The following ANO10 variants were observed in gnomAD, a reference collection of about 807,000 sequenced individuals.
The protein encoded by ANO10 is anoctamin-10.
A neutral mutation model predicts 74.7 loss-of-function variants in ANO10; 77 were observed. That is an observed-to-expected ratio of 1.03 (90% CI 0.86 to 1.25). ANO10 has a LOEUF of 1.25. ANO10 is among the 50% of genes most tolerant of loss of function. ANO10 has a pLI of 0.00. For synonymous variants in ANO10, 279 were observed against 284.9 expected (o/e 0.98, Z 0.21); for missense variants, 721 against 778.1 (o/e 0.93, Z 0.87).
chr3:43,668,077 A>G (rs980684947), intron 1 of ANO10, among the ~76,000 whole-genome samples: 3 of 152,146 alleles, frequency 2.0e-5, no homozygotes, highest in Non-Finnish European at 4.4e-5. Flanking sequence ...CCTTTTCACC[A>G]CATCCACACC....
chr3:43,643,258 C>T (rs2083689683), intron 1 of ANO10, among the ~76,000 whole-genome samples: 1 of 151,750 alleles, frequency 6.6e-6, no homozygotes, highest in Non-Finnish European at 1.5e-5. Context: ...GTCTCGATCT[C>T]CTGACGTCAT....
intron 11 of ANO10, among the ~76,000 whole-genome samples, chr3:43,449,515 C>CTTTTTT (rs61265406): frequency 3.0e-3 from 318 of 106,996 alleles, no homozygotes; most frequent in Middle Eastern, 9.4e-3. Flanking sequence ...TATCTAGATT[C>CTTTTTT]TTTTTTTTTT....
intron 1 of ANO10, among the ~76,000 whole-genome samples, chr3:43,670,901 TGTG>T (rs1193550456): frequency 7.9e-5 from 12 of 152,156 alleles, no homozygotes; most frequent in African/African-American, 2.7e-4. Flanking sequence ...AAAGCAAGTG[TGTG>T]GTGAGACAGC....
chr3:43,623,090 T>C (rs573766052), upstream of ANO10, among the ~76,000 whole-genome samples: 1 of 152,290 alleles, frequency 6.6e-6, no homozygotes, highest in African/African-American at 2.4e-5. Flanking sequence ...GGTCTAGAAC[T>C]CCTGACCTCA....
intron 11 of ANO10, among the ~76,000 whole-genome samples, chr3:43,484,171 G>A (rs942902580): frequency 1.3e-5 from 2 of 152,066 alleles, no homozygotes; most frequent in African/African-American, 2.4e-5. Flanking sequence ...GGGCTCAAGC[G>A]ATCTGCCCAC....
At chr3:43,678,151 G>A (rs2084146913) in intron 1 of ANO10, among the ~76,000 whole-genome samples, 1 of 152,286 alleles carries the variant, frequency 6.6e-6, no homozygotes, top group East Asian at 1.9e-4. Flanking sequence ...TTAGCCTACT[G>A]TTATGCAAAA....
chr3:43,659,342 C>T (rs535724587), intron 1 of ANO10, among the ~76,000 whole-genome samples: 20 of 152,230 alleles, frequency 1.3e-4, no homozygotes, highest in Non-Finnish European at 2.6e-4. Flanking sequence ...AGGAATGATA[C>T]ACTTCTTCCC....
At chr3:43,466,482 T>C (rs917648526) in intron 11 of ANO10, among the ~76,000 whole-genome samples, 1 of 150,452 alleles carries the variant, frequency 6.6e-6, no homozygotes, top group African/African-American at 2.4e-5. Flanking sequence ...TATGGCAAGA[T>C]GAATGTAGAC....
intron 1 of ANO10, among the ~76,000 whole-genome samples, chr3:43,675,035 A>G (rs1001593352): frequency 6.6e-6 from 1 of 152,178 alleles, no homozygotes; most frequent in Admixed American, 6.5e-5. Flanking sequence ...AGTCTCCTTA[A>G]CCTGAAAAAT....
At chr3:43,645,792 T>C (rs2083720185) in intron 1 of ANO10, among the ~76,000 whole-genome samples, 1 of 152,110 alleles carries the variant, frequency 6.6e-6, no homozygotes, top group Non-Finnish European at 1.5e-5. Context: ...GCAAAGTTAT[T>C]TAAGTATCTC....
chr3:43,675,514 T>C (rs2084111183), intron 1 of ANO10, among the ~76,000 whole-genome samples: 1 of 152,106 alleles, frequency 6.6e-6, no homozygotes, highest in Admixed American at 6.5e-5. Flanking sequence ...ATCTACAGAA[T>C]ATAAAGAATT....
intron 11 of ANO10, among the ~76,000 whole-genome samples, chr3:43,507,742 T>G (rs1325284030): frequency 6.6e-6 from 1 of 152,066 alleles, no homozygotes; most frequent in African/African-American, 2.4e-5. Flanking sequence ...GCTCAGGGAT[T>G]TTCTCTGTGG....
intron 4 of ANO10, among the ~76,000 whole-genome samples, chr3:43,581,236 T>C (rs563409794): frequency 2.6e-5 from 4 of 152,374 alleles, no homozygotes; most frequent in African/African-American, 9.6e-5. Context: ...ATACAGAGTA[T>C]TTTCAATCCT....
At position 43,685,662 on chromosome 3, in the gene ANO10, C is replaced by A. The variant is rs562278675; in HGVS notation, c.-12+5855G>T. Among the ~76,000 whole-genome samples, 65 of 152,312 alleles carry A rather than the reference C, an allele frequency of 4.3e-4. 1 individual carries two copies. The East Asian group carries it at 0.012, about 28-fold the overall frequency. On this transcript the variant is annotated intron_variant, in intron 1 of 3. Coordinates refer to the ANO10 transcript ENST00000413397. Reference sequence around the variant, plus strand: ...CTTCCACCAAATGGGTAGGGACATTCCCCACTGATTCATGGCCTTGCCAAT... The same window carrying A: ...CTTCCACCAAATGGGTAGGGACATTACCCACTGATTCATGGCCTTGCCAAT...
chr3:43,577,031 G>C lies in ANO10; in HGVS notation c.823C>G (p.Leu275Val). ...TCCTCAAACTTTCTCTTCATGAGCA[G>C]TGTCCCCCACCTGTAGGTCATGTTG... is the stretch of plus-strand genomic sequence containing the variant. ...CANMTYRWGT[L>V]LMKRKFEEPR... Residue 275 changes from leucine to valine, a missense_variant, in exon 6 of 13, where the codon CTG (leucine) becomes GTG (valine). Transcript: ENST00000292246. The C allele has an allele frequency of 6.2e-7, 1 of 1,614,140 alleles. No individual in the cohort carries two copies. Among genetic ancestry groups the C allele is most frequent in the Non-Finnish European group, 8.5e-7 (1 of 1,180,024 alleles).
At chr3:43,581,547 C>T (rs548038769) in intron 4 of ANO10, among the ~76,000 whole-genome samples, 2 of 152,222 alleles carry the variant, frequency 1.3e-5, no homozygotes, top group African/African-American at 2.4e-5. Context: ...AATGCAGTGC[C>T]TTGTGCCATA....
At chr3:43,628,549 C>G (rs1197044026) in intron 1 of ANO10, among the ~76,000 whole-genome samples, 2 of 152,182 alleles carry the variant, frequency 1.3e-5, no homozygotes, top group Non-Finnish European at 2.9e-5. Flanking sequence ...GTTTAGGAAA[C>G]AAGAGAGATA....
In ANO10 at chr3:43,556,603, A is replaced by C. The variant is rs150949979; in HGVS notation, c.1477-1134T>G. ...GACATAATCCAACAGCAAGAAGGAA[A>C]AAAAATGAAAATTCAACAAAGAAAA... is the stretch of plus-strand genomic sequence containing the variant. On this transcript the variant is annotated intron_variant, in intron 9 of 12. Coordinates refer to ENST00000292246, the MANE Select transcript of ANO10 (RefSeq NM_018075.5). 1.6e-4 allele frequency among the ~76,000 whole-genome samples: 25 copies of C among 152,366 alleles called. No homozygotes were observed. In the East Asian group the frequency reaches 4.8e-3, roughly 29 times the overall value.
chr3:43,392,883 C>T (rs143275628), intron 12 of ANO10, among the ~76,000 whole-genome samples: 125 of 152,330 alleles, frequency 8.2e-4, no homozygotes, highest in Non-Finnish European at 1.3e-3. Flanking sequence ...AAATAGCTCC[C>T]TCTAGGGTCA....
Sources: allele counts gnomAD v4.1 joint callset (sites outside exome capture counted in the v4.1 genomes callset), GRCh38; gene constraint gnomAD v4.1.1; transcripts MANE v1.5; gene names NCBI Gene and HGNC (gene_info 2026-07-23, HGNC 2026-07-21).